Variants in APCDD1 observed in about 807,000 individuals in gnomAD.
APCDD1 encodes the protein protein APCDD1.
Under a neutral mutation model 38.1 loss-of-function variants are expected in APCDD1, and 15 were observed. The observed-to-expected ratio is 0.39, with a 90% CI of 0.26 to 0.61. APCDD1 has a LOEUF of 0.61. Ranked by LOEUF, APCDD1 falls within the 20% of genes least tolerant of loss-of-function variation. APCDD1 has a pLI of 0.49. For missense variants in APCDD1, 647 were observed against 696.2 expected (o/e 0.93, Z 0.79); for synonymous variants, 261 against 279.7 (o/e 0.93, Z 0.67).
rs1309400429 is a variant in APCDD1 at position 10,476,009 on chromosome 18, T to C, written c.774+3948T>C. The C allele has an allele frequency of 6.6e-6, 1 of 152,210 alleles. No individual in the cohort carries two copies. Among genetic ancestry groups the C allele is most frequent in the Non-Finnish European group, 1.5e-5 (1 of 68,062 alleles). 9.4% of individuals were successfully genotyped at this position (152,210 alleles called of 1,614,324 possible). On this transcript the variant is annotated intron_variant, in intron 3 of 4. Coordinates refer to ENST00000355285, the MANE Select transcript of APCDD1 (RefSeq NM_153000.5). The surrounding 1 kb of genome is among the most constrained non-coding windows in gnomAD (Gnocchi z 5.8). ...GGCACCAGAAAGACTGGGCACTGTG[T>C]GCCCACGCGGGCCCAGCCACAGCAG... is the stretch of plus-strand genomic sequence containing the variant.
rs1274607258 is a variant in APCDD1, at chr18:10,470,559, C to T, written c.243-971C>T. Among the ~76,000 whole-genome samples, 7 of 152,136 alleles carry T rather than the reference C, an allele frequency of 4.6e-5. No homozygotes were observed. The highest frequency in any genetic ancestry group is 9.7e-5 in the African/African-American group (4 of 41,394). Reference sequence around the variant, plus strand: ...CTGACTGCTTGATTTAGCAGCGCTTCGTCAGTTCAAACCAGAATCTGTGTT... The same window carrying T: ...CTGACTGCTTGATTTAGCAGCGCTTTGTCAGTTCAAACCAGAATCTGTGTT... On this transcript the variant is annotated intron_variant, in intron 2 of 4. Transcript: ENST00000355285. This position sits in a 1 kb window ranked among gnomAD's most constrained non-coding sequence, Gnocchi z 4.1.
At chr18:10,484,199 C>T (rs1426463146) in intron 3 of APCDD1, among the ~76,000 whole-genome samples, 4 of 152,196 alleles carry the variant, frequency 2.6e-5, no homozygotes, top group African/African-American at 9.7e-5. Flanking sequence ...ACGCAGAAAC[C>T]TTCTGAACCT....
chr18:10,479,377 A>G (rs563233766), intron 3 of APCDD1, among the ~76,000 whole-genome samples: 1 of 152,208 alleles, frequency 6.6e-6, no homozygotes. Context: ...TCCTTAGTTG[A>G]TCTGTTCACA....
At chr18:10,458,523 G>C (rs2030440542) in intron 1 of APCDD1, among the ~76,000 whole-genome samples, 1 of 152,130 alleles carries the variant, frequency 6.6e-6, no homozygotes, top group African/African-American at 2.4e-5. Context: ...AAAGAAGCAT[G>C]ACTCACCTGT....
intron 4 of APCDD1, among the ~76,000 whole-genome samples, chr18:10,486,737 G>T (rs893053066): frequency 1.3e-5 from 2 of 152,094 alleles, no homozygotes; most frequent in Non-Finnish European, 2.9e-5. Flanking sequence ...TTGTAAAATG[G>T]TGTCAGCCCT....
intron 1 of APCDD1, among the ~76,000 whole-genome samples, chr18:10,462,011 C>T (rs957825961): frequency 1.3e-5 from 2 of 152,154 alleles, no homozygotes; most frequent in Admixed American, 6.5e-5. Context: ...TCTACAGGCA[C>T]GGTAGTGCCT....
At chr18:10,465,632 C>G (rs538021100) in intron 1 of APCDD1, among the ~76,000 whole-genome samples, 1 of 152,194 alleles carries the variant, frequency 6.6e-6, no homozygotes, top group Admixed American at 6.5e-5. Context: ...GTTATTGAGA[C>G]ACGTGCAGAG....
At chr18:10,465,331 A>C (rs2030680134) in intron 1 of APCDD1, among the ~76,000 whole-genome samples, 1 of 152,164 alleles carries the variant, frequency 6.6e-6, no homozygotes, top group Non-Finnish European at 1.5e-5. Flanking sequence ...ACTCATCTGG[A>C]GATTCATTGC....
chr18:10,468,110 C>T (rs1177423293), intron 1 of APCDD1, among the ~76,000 whole-genome samples: 1 of 152,228 alleles, frequency 6.6e-6, no homozygotes, highest in African/African-American at 2.4e-5. Context: ...GCTACAGTGC[C>T]AGTCACCTTC....
rs1013943838 is a variant in APCDD1 at position 10,467,420 on chromosome 18, C to T, written c.59-1049C>T. On this transcript the variant is annotated intron_variant, in intron 1 of 4. Transcript: ENST00000355285. This position sits in a 1 kb window ranked among gnomAD's most constrained non-coding sequence, Gnocchi z 4.8. The stretch of plus-strand genomic sequence containing the variant: ...TTTTCTGCTAACACAGGGCTAAATA[C>T]GTAGTAGGTCCGCCATAAATGCCTG... Among the ~76,000 whole-genome samples the T allele has an allele frequency of 3.3e-5, 5 of 152,132 alleles. No homozygotes were observed. In the East Asian group the frequency reaches 5.8e-4, roughly 18 times the overall value.
intron 1 of APCDD1, among the ~76,000 whole-genome samples, chr18:10,466,671 C>G (rs115615327): frequency 0.015 from 2,328 of 152,272 alleles, 44 homozygotes; most frequent in African/African-American, 0.052. Flanking sequence ...GAGTACCACT[C>G]TAGTGGAGAT....
At chr18:10,462,423 CTTTCCCCCTTGCTCCCTCT>C in intron 1 of APCDD1, among the ~76,000 whole-genome samples, 1 of 87,246 alleles carries the variant, frequency 1.1e-5, no homozygotes, top group Non-Finnish European at 2.4e-5. Context: ...TCCTTCCTTC[CTTTCCCCCTTGCTCCCTCT>C]CTCCTTTCCT....
chr18:10,475,050 A>G lies in APCDD1; in HGVS notation c.774+2989A>G, dbSNP rs1046989728. 6.6e-6 allele frequency among the ~76,000 whole-genome samples: 1 copy of G among 152,222 alleles called. No homozygotes were observed. The highest frequency in any genetic ancestry group is 1.5e-5 in the Non-Finnish European group (1 of 68,040). On this transcript the variant is annotated intron_variant, in intron 3 of 4. Transcript: ENST00000355285. This position sits in a 1 kb window ranked among gnomAD's most constrained non-coding sequence, Gnocchi z 4.0. The stretch of plus-strand genomic sequence containing the variant: ...CATTTTCCTTTTCTGTAAAATGGCA[A>G]AAATATAAGAATCAATAGGGTTAAT...
At position 10,476,141 on chromosome 18, in the gene APCDD1, T is replaced by C. The variant is rs1297170263; in HGVS notation, c.774+4080T>C. ...CAGGAGAGGCTGGAACCTCCTCCTT[T>C]GAACTCTTCTACTTCCCTAATTGCT... On this transcript the variant is annotated intron_variant, in intron 3 of 4. Coordinates refer to ENST00000355285, the MANE Select transcript of APCDD1 (RefSeq NM_153000.5). The surrounding 1 kb of genome is among the most constrained non-coding windows in gnomAD (Gnocchi z 5.8). 1 of 152,244 alleles carries C rather than the reference T, an allele frequency of 6.6e-6. No individual in the cohort carries two copies. The highest frequency in any genetic ancestry group is 2.4e-5 in the African/African-American group (1 of 41,450). The allele number at this position is 152,244 out of a possible 1,614,324, so 9.4% of individuals were successfully genotyped here.
In APCDD1 at chr18:10,472,779, A is replaced by G. The variant is rs1044191786; in HGVS notation, c.774+718A>G. 1.3e-5 allele frequency among the ~76,000 whole-genome samples: 2 copies of G among 152,216 alleles called. No individual in the cohort carries two copies. Among genetic ancestry groups the G allele is most frequent in the African/African-American group, 4.8e-5 (2 of 41,450 alleles). ...GAGCAGGAAACAATTAAACCTTATA[A>G]TGTCTTTTCCTTGAATGATATTCTA... On this transcript the variant is annotated intron_variant, in intron 3 of 4. Coordinates refer to ENST00000355285, the MANE Select transcript of APCDD1 (RefSeq NM_153000.5). This position sits in a 1 kb window ranked among gnomAD's most constrained non-coding sequence, Gnocchi z 6.6.
chr18:10,468,615 A>G lies in APCDD1; in HGVS notation c.205A>G (p.Met69Val), dbSNP rs1046045873. 6.2e-7 allele frequency: 1 copy of G among 1,613,850 alleles called. No homozygotes were observed. The highest frequency in any genetic ancestry group is 1.3e-5 in the African/African-American group (1 of 74,934). Residue 69 changes from methionine (M) to valine (V), a missense_variant, in exon 2 of 5, where the codon ATG (methionine) becomes GTG (valine). Physicochemically the swap from Met to Val is conservative, Grantham distance 21. Transcript: ENST00000355285. ...LHNGARITVQ[M>V]PPTIEGHWVS... The stretch of plus-strand genomic sequence containing the variant: ...CAATGGTGCAAGGATCACAGTGCAG[A>G]TGCCACCTACAATCGAGGGCCACTG...
In APCDD1 at chr18:10,467,468, A is replaced by G. The variant is rs956128447; in HGVS notation, c.59-1001A>G. Among the ~76,000 whole-genome samples, 1 of 152,326 alleles carries G rather than the reference A, an allele frequency of 6.6e-6. No individual in the cohort carries two copies. Among genetic ancestry groups the G allele is most frequent in the Non-Finnish European group, 1.5e-5 (1 of 68,030 alleles). ...CTGTTGATTTGTTAATCACTTCAGG[A>G]GTGAATATCAGAGGAGACCGTGGCT... On this transcript the variant is annotated intron_variant, in intron 1 of 4. Transcript: ENST00000355285. This position sits in a 1 kb window ranked among gnomAD's most constrained non-coding sequence, Gnocchi z 4.8.
In APCDD1 at chr18:10,461,170, C is replaced by T. The variant is rs539980634; in HGVS notation, c.58+6131C>T. On this transcript the variant is annotated intron_variant, in intron 1 of 4. Coordinates refer to ENST00000355285, the MANE Select transcript of APCDD1 (RefSeq NM_153000.5). ...TGGGAGTAAATCACTAGTGCACACA[C>T]GCAGGTGCACACACTTACATACCAC... Among the ~76,000 whole-genome samples the T allele has an allele frequency of 7.9e-5, 12 of 152,226 alleles. 1 individual carries two copies. The highest frequency in any genetic ancestry group is 4.2e-4 in the South Asian group (2 of 4,810).
chr18:10,485,593 G>C lies in APCDD1; in HGVS notation c.906G>C (p.Val302=). The stretch of plus-strand genomic sequence containing the variant: ...AGTGGGTGAGCCAGCGCTGTGAGGT[G>C]CGCCCCGAAGTCCTCTTCCTCACCC... ...HGEWVSQRCE[V]RPEVLFLTRH... is the part of the protein sequence containing the mutation. Residue 302 remains valine, a synonymous_variant, in exon 4 of 5, where the codon GTG becomes GTC. Transcript: ENST00000355285. This position sits in a 1 kb window ranked among gnomAD's most constrained non-coding sequence, Gnocchi z 5.8. 1 of 1,614,046 alleles carries C rather than the reference G, an allele frequency of 6.2e-7. No homozygotes were observed. The highest frequency in any genetic ancestry group is 1.1e-5 in the South Asian group (1 of 91,080).
Sources: allele counts gnomAD v4.1 joint callset (sites outside exome capture counted in the v4.1 genomes callset), GRCh38; gene constraint gnomAD v4.1.1; non-coding constraint Gnocchi (gnomAD v3.1); transcripts MANE v1.5; gene names NCBI Gene and HGNC (gene_info 2026-07-23, HGNC 2026-07-21).